MYH15: variants seen among roughly 807,000 people sequenced by gnomAD.
MYH15 encodes the protein myosin-15.
In MYH15, 227 loss-of-function variants were observed where a neutral mutation model predicts 240.5. That is an observed-to-expected ratio of 0.94 (90% CI 0.85 to 1.05). The LOEUF (loss-of-function observed/expected upper bound fraction) is 1.05, where lower values mean the gene tolerates loss of function less well. Ranked by LOEUF, MYH15 falls within the 50% of genes least tolerant of loss-of-function variation. The probability of loss-of-function intolerance (pLI) is 0.00; values close to 1 mark genes in which losing one functional copy is unlikely to be tolerated. For missense variants in MYH15, 2,217 were observed against 2,247.5 expected (o/e 0.99, Z 0.27); for synonymous variants, 785 against 796.7 (o/e 0.99, Z 0.25).
intron 15 of MYH15, among the ~76,000 whole-genome samples, chr3:108,464,215 C>T (rs957921070): frequency 1.3e-5 from 2 of 152,080 alleles, no homozygotes; most frequent in Admixed American, 6.6e-5. Flanking sequence ...CATTAGAAAC[C>T]GTTTTTGGCC....
chr3:108,491,707 A>C (rs1434525954), intron 9 of MYH15, among the ~76,000 whole-genome samples: 1 of 152,006 alleles, frequency 6.6e-6, no homozygotes, highest in Non-Finnish European at 1.5e-5. Flanking sequence ...CGCACCCCCC[A>C]CAACACACTT....
At chr3:108,496,602 T>C (rs938589736) in intron 6 of MYH15, among the ~76,000 whole-genome samples, 3 of 152,156 alleles carry the variant, frequency 2.0e-5, no homozygotes, top group African/African-American at 7.2e-5. Flanking sequence ...GGGGGACTTA[T>C]ATAGTATACT....
intron 3 of MYH15, among the ~76,000 whole-genome samples, chr3:108,501,006 G>T (rs1474386222): frequency 6.6e-6 from 1 of 152,180 alleles, no homozygotes; most frequent in Non-Finnish European, 1.5e-5. Context: ...GATTGGATTT[G>T]ATTTTGGACT....
chr3:108,431,971 GA>G (rs1560356657), intron 25 of MYH15, among the ~76,000 whole-genome samples: 2 of 152,160 alleles, frequency 1.3e-5, no homozygotes, highest in Non-Finnish European at 2.9e-5. Flanking sequence ...TTGAACTTCA[GA>G]GATATGACTT....
chr3:108,520,911 A>T (rs1243895628), intron 1 of MYH15, among the ~76,000 whole-genome samples: 1 of 152,168 alleles, frequency 6.6e-6, no homozygotes. Flanking sequence ...ATCAATTTGC[A>T]TATGTGAGTT....
At position 108,495,886 on chromosome 3, in the gene MYH15, A is replaced by C. The variant is rs1379105452; in HGVS notation, c.619-14T>G. 6.9e-6 allele frequency: 11 copies of C among 1,588,912 alleles called. No homozygotes were observed. Among genetic ancestry groups the C allele is most frequent in the Non-Finnish European group, 9.5e-6 (11 of 1,163,342 alleles). On this transcript the variant is annotated splice_polypyrimidine_tract_variant and intron_variant, in intron 6 of 40. Coordinates refer to ENST00000693548, the MANE Select transcript of MYH15 (RefSeq NM_014981.3). Reference sequence around the variant, plus strand: ...TTCTAACGCCCCCTGAGACACATGCAAGAGAAGTACAGCTGATGAAACTAT... The same window carrying C: ...TTCTAACGCCCCCTGAGACACATGCCAGAGAAGTACAGCTGATGAAACTAT...
intron 39 of MYH15, 98 bp downstream of exon 39, chr3:108,384,589 T>C: frequency 8.8e-7 from 1 of 1,133,032 alleles, no homozygotes; most frequent in Non-Finnish European, 1.3e-6. Context: ...GAGCAGGTCC[T>C]CTCTGACAAG....
chr3:108,535,280 A>C, the MYH15 span, among the ~76,000 whole-genome samples: 1 of 151,878 alleles, frequency 6.6e-6, no homozygotes, highest in Non-Finnish European at 1.5e-5. Context: ...GCAGAAATTT[A>C]TTTCTCACAG....
chr3:108,460,410 G>T (rs770304421), intron 16 of MYH15, 43 bp from the exon 17 acceptor site: 2 of 1,491,618 alleles, frequency 1.3e-6, no homozygotes, highest in Non-Finnish European at 9.0e-7. Flanking sequence ...CATGTAAAAA[G>T]CTCATTTTTA....
chr3:108,416,955 C>T, intron 28 of MYH15, 25 bp from the exon 29 acceptor site: 2 of 1,532,840 alleles, frequency 1.3e-6, no homozygotes, highest in South Asian at 2.3e-5. Flanking sequence ...CACAAAACTA[C>T]ATAATTACAG....
intron 29 of MYH15, among the ~76,000 whole-genome samples, chr3:108,416,102 T>C (rs75255471): frequency 0.029 from 4,407 of 152,294 alleles, 226 homozygotes; most frequent in African/African-American, 0.1. Context: ...CAATGTCTGA[T>C]GCACAAACAA....
At chr3:108,402,069 G>A (rs1256125202) in intron 33 of MYH15, among the ~76,000 whole-genome samples, 1 of 152,028 alleles carries the variant, frequency 6.6e-6, no homozygotes, top group African/African-American at 2.4e-5. Flanking sequence ...AATGCAGTAG[G>A]TCATTTATTT....
chr3:108,392,317 T>G (rs2082428277), intron 36 of MYH15, among the ~76,000 whole-genome samples: 1 of 152,240 alleles, frequency 6.6e-6, no homozygotes, highest in Non-Finnish European at 1.5e-5. Flanking sequence ...AGGAAAGATA[T>G]GGAGAAGTGC....
Position 108,436,311 on chromosome 3 carries a change from A to G in MYH15, c.3221+1243T>C, listed in dbSNP as rs978048770. The stretch of plus-strand genomic sequence containing the variant: ...CAAAATTGAATGCTAAGGGAACTCT[A>G]TCATCATTTTGCTTTAATTATTCCA... On this transcript the variant is annotated intron_variant, in intron 25 of 40. Transcript: ENST00000693548. 2.0e-5 allele frequency among the ~76,000 whole-genome samples: 3 copies of G among 152,176 alleles called. No individual in the cohort carries two copies. The South Asian group carries it at 6.2e-4, about 31-fold the overall frequency.
At chr3:108,464,021 C>A (rs1007007559) in intron 15 of MYH15, among the ~76,000 whole-genome samples, 4 of 151,784 alleles carry the variant, frequency 2.6e-5, no homozygotes, top group African/African-American at 9.7e-5. Context: ...ATTAATATGC[C>A]AGGATATCAA....
chr3:108,468,063 T>G (rs1042294485), intron 14 of MYH15, among the ~76,000 whole-genome samples: 11 of 152,096 alleles, frequency 7.2e-5, no homozygotes, highest in African/African-American at 2.7e-4. Context: ...CCTCCCAGGT[T>G]CTAGCTATTC....
At chr3:108,475,240 T>C (rs1310125979) in intron 12 of MYH15, among the ~76,000 whole-genome samples, 1 of 152,118 alleles carries the variant, frequency 6.6e-6, no homozygotes, top group Non-Finnish European at 1.5e-5. Context: ...GAGTACTAGC[T>C]ATATATCCTT....
chr3:108,459,697 AGCAATAT>A (rs1172447676), intron 17 of MYH15, among the ~76,000 whole-genome samples: 4 of 152,218 alleles, frequency 2.6e-5, no homozygotes, highest in Non-Finnish European at 5.9e-5. Context: ...TGAATTTGAT[AGCAATAT>A]CAAAGTTATG....
At chr3:108,529,253 G>A (rs775678366) in intron 1 of MYH15, 3 of 1,602,306 alleles carry the variant, frequency 1.9e-6, no homozygotes, top group Non-Finnish European at 2.6e-6. Flanking sequence ...TATGTTGGGA[G>A]TCCACTCACC....
Sources: gnomAD v4.1 joint callset for allele counts (sites outside exome capture counted in the v4.1 genomes callset) on GRCh38, gnomAD v4.1.1 for gene constraint, MANE v1.5 for transcripts, NCBI Gene and HGNC (gene_info 2026-07-23, HGNC 2026-07-21) for gene names.